The following HARS1 variants were observed in gnomAD, a reference collection of about 807,000 sequenced individuals.
The protein encoded by HARS1 is histidyl-tRNA synthetase 1, also known as histidine--tRNA ligase, cytoplasmic.
HARS1 carries 45 observed loss-of-function variants against 63.6 expected under a neutral mutation model. The ratio of observed to expected loss-of-function variants is 0.71; its 90% CI spans 0.56 to 0.91. The LOEUF (loss-of-function observed/expected upper bound fraction) is 0.91. Ranked by LOEUF, HARS1 falls within the 40% of genes least tolerant of loss-of-function variation. The pLI is 0.00. For missense variants in HARS1, 508 were observed against 643.2 expected (o/e 0.79, Z 2.27); for synonymous variants, 205 against 247.1 (o/e 0.83, Z 1.60).
At chr5:140,678,914 C>T in intron 5 of HARS1, 88 bp downstream of exon 5, 2 of 1,357,516 alleles carry the variant, frequency 1.5e-6, no homozygotes, top group Non-Finnish European at 2.0e-6. Context: ...ATCCAATTTG[C>T]TCAGGACACC....
intron 5 of HARS1, 38 bp from the exon 6 acceptor site, chr5:140,678,053 C>T: frequency 8.8e-7 from 1 of 1,141,386 alleles, no homozygotes; most frequent in Non-Finnish European, 1.3e-6. Flanking sequence ...TTCAGGGATT[C>T]ACCTTTCTGA....
chr5:140,686,177 C>G (rs1360910576), intron 2 of HARS1, among the ~76,000 whole-genome samples: 1 of 152,072 alleles, frequency 6.6e-6, no homozygotes, highest in Non-Finnish European at 1.5e-5. Context: ...TCATGATCCA[C>G]TTGCCTCTGC....
chr5:140,674,030 C>G lies in HARS1; in HGVS notation c.*227G>C. The G allele has an allele frequency of 1.6e-6, 1 of 615,626 alleles. No homozygotes were observed. Among genetic ancestry groups the G allele is most frequent in the Non-Finnish European group, 2.9e-6 (1 of 342,668 alleles). 38.1% of individuals were successfully genotyped at this position (615,626 alleles called of 1,614,324 possible). ...GGTCCTTGTAGCCCAGGAGCACAGA[C>G]TGGACTAAGCCTCCTGGGCCTTGTA... On this transcript the variant is annotated 3_prime_UTR_variant, in exon 13 of 13. Transcript: ENST00000504156.
chr5:140,680,351 T>A (rs533042245), intron 3 of HARS1, among the ~76,000 whole-genome samples: 1 of 151,826 alleles, frequency 6.6e-6, no homozygotes, highest in African/African-American at 2.4e-5. Flanking sequence ...TTCACCATGT[T>A]GGCCAGGATA....
rs1186799034 is a variant in HARS1 at position 140,676,024 on chromosome 5, G to C, written c.1194+630C>G. ...CAAAGGAGGGCTTGAGGCTACAAGA[G>C]GCTTCCTTGGTGTTACTCTAGGTGC... On this transcript the variant is annotated intron_variant, in intron 10 of 12. Transcript: ENST00000504156. The surrounding 1 kb of genome is among the most constrained non-coding windows in gnomAD (Gnocchi z 4.1). 2.0e-5 allele frequency: 3 copies of C among 152,176 alleles called. No homozygotes were observed. The highest frequency in any genetic ancestry group is 4.8e-5 in the African/African-American group (2 of 41,418). 9.4% of individuals were successfully genotyped at this position (152,176 alleles called of 1,614,324 possible). A position where few individuals can be genotyped will look rare whatever the true frequency, so the allele number is the denominator to read the frequency against.
At chr5:140,691,062 C>A (rs1316265403) in intron 1 of HARS1, 118 bp from the exon 2 acceptor site, 6 of 918,752 alleles carry the variant, frequency 6.5e-6, no homozygotes, top group Non-Finnish European at 1.0e-5. Flanking sequence ...TTGTTTCTCT[C>A]GGGACCCACC....
rs754741692 is a variant in HARS1, at chr5:140,683,063, T to G, written c.300+37A>C. Reference sequence around the variant, plus strand: ...TCTTCTTTGTTATTCAAATGCCCACTCATCTACCATGTAGTTTCTTCTTGC... The same window carrying G: ...TCTTCTTTGTTATTCAAATGCCCACGCATCTACCATGTAGTTTCTTCTTGC... On this transcript the variant is annotated intron_variant, in intron 3 of 12. Coordinates refer to ENST00000504156, the MANE Select transcript of HARS1 (RefSeq NM_002109.6). The G allele has an allele frequency of 1.3e-5, 20 of 1,597,206 alleles. 1 individual carries two copies. The East Asian group carries it at 4.5e-4, about 36-fold the overall frequency.
chr5:140,677,037 G>T lies in HARS1; in HGVS notation c.903C>A (p.Asp301Glu), dbSNP rs146835587. 1.2e-6 allele frequency: 2 copies of T among 1,614,158 alleles called. No homozygotes were observed. The highest frequency in any genetic ancestry group is 2.2e-5 in the East Asian group (1 of 44,882). ...TCAGGTACTCAAAGAGCAACTTCAG[G>T]TCTCCCAGGCCCTCCAAGGCCTGCT... ...QNKQALEGLG[D>E]LKLLFEYLTL... The change falls in exon 9 of 13, where the codon GAC becomes GAA. Residue 301 changes from aspartate to glutamate, a missense_variant. Asp to Glu is a conservative substitution (Grantham distance 45, BLOSUM62 2). Around this residue, in one of 2 missense-constraint regions of HARS1, gnomAD observed 403 missense variants for 548.7 expected, o/e 0.73. Coordinates refer to ENST00000504156, the MANE Select transcript of HARS1 (RefSeq NM_002109.6).
chr5:140,675,408 C>CTTT, intron 10 of HARS1: 15 of 220,036 alleles, frequency 6.8e-5, no homozygotes, highest in Middle Eastern at 1.6e-3. Flanking sequence ...CATGTAGTAC[C>CTTT]TTTTTTTTTT....
intron 3 of HARS1, among the ~76,000 whole-genome samples, chr5:140,681,392 C>T (rs1477101850): frequency 1.3e-5 from 2 of 151,938 alleles, no homozygotes; most frequent in African/African-American, 2.4e-5. Context: ...AGGCTGGGCG[C>T]GGTGGCTCAT....
At chr5:140,688,796 C>G (rs770621222) in intron 2 of HARS1, among the ~76,000 whole-genome samples, 3 of 151,982 alleles carry the variant, frequency 2.0e-5, no homozygotes, top group Non-Finnish European at 4.4e-5. Flanking sequence ...GAACAATATG[C>G]TTGATGTGCC....
At chr5:140,674,419 G>A in intron 12 of HARS1, 91 bp from the exon 13 acceptor site, 1 of 961,256 alleles carries the variant, frequency 1.0e-6, no homozygotes, top group Admixed American at 1.8e-5. Context: ...TAGGCATCAG[G>A]CTTGTCTCAG....
chr5:140,682,476 TAAAG>T (rs1014442876), intron 3 of HARS1, among the ~76,000 whole-genome samples: 7 of 152,192 alleles, frequency 4.6e-5, no homozygotes, highest in African/African-American at 1.7e-4. Context: ...TAAACCTGAG[TAAAG>T]AGTTTGGGTT....
intron 10 of HARS1, chr5:140,675,399 A>C: frequency 8.1e-5 from 26 of 319,590 alleles, no homozygotes; most frequent in East Asian, 2.5e-4. Context: ...GCTTATCTCC[A>C]TGTAGTACCT....
In HARS1 at chr5:140,679,632, T is replaced by C. The variant is rs1758599537; in HGVS notation, c.396+156A>G. ...AGAAGATTTCTAAGGATGTGTATGC[T>C]CTGTTTAGCCAAAGTTCCACTCCTG... is the stretch of plus-strand genomic sequence containing the variant. On this transcript the variant is annotated intron_variant, in intron 4 of 12. Transcript: ENST00000504156. The surrounding 1 kb of genome is among the most constrained non-coding windows in gnomAD (Gnocchi z 4.3). 3.6e-6 allele frequency: 2 copies of C among 557,188 alleles called. No homozygotes were observed. The highest frequency in any genetic ancestry group is 5.0e-5 in the South Asian group (2 of 39,998). The allele number at this position is 557,188 out of a possible 1,614,324, so 34.5% of individuals were successfully genotyped here.
intron 3 of HARS1, among the ~76,000 whole-genome samples, chr5:140,681,653 G>A (rs1361083065): frequency 6.6e-6 from 1 of 151,938 alleles, no homozygotes; most frequent in African/African-American, 2.4e-5. Context: ...AGGCAACAGA[G>A]CGAGACTCTG....
rs924028848 is a variant in HARS1, at chr5:140,679,535, T to C, written c.396+253A>G. On this transcript the variant is annotated intron_variant, in intron 4 of 12. Coordinates refer to ENST00000504156, the MANE Select transcript of HARS1 (RefSeq NM_002109.6). The surrounding 1 kb of genome is among the most constrained non-coding windows in gnomAD (Gnocchi z 4.3). Reference sequence around the variant, plus strand: ...CACTGGACAGGGCAGGGGAGAGGTATTCTGGAGCCAGGGGATGACTGTAGA... The same window carrying C: ...CACTGGACAGGGCAGGGGAGAGGTACTCTGGAGCCAGGGGATGACTGTAGA... 6.5e-6 allele frequency: 3 copies of C among 460,612 alleles called. No homozygotes were observed. Among genetic ancestry groups the C allele is most frequent in the South Asian group, 3.8e-5 (1 of 26,250 alleles). 28.5% of individuals were successfully genotyped at this position (460,612 alleles called of 1,614,324 possible).
intron 3 of HARS1, among the ~76,000 whole-genome samples, chr5:140,681,680 AAC>A (rs1205084733): frequency 1.3e-5 from 2 of 152,100 alleles, no homozygotes; most frequent in African/African-American, 4.8e-5. Flanking sequence ...TTAAAAAAAA[AAC>A]AAAGGGAGAT....
At chr5:140,685,079 GCTAA>G (rs929364875) in intron 2 of HARS1, 18 of 151,974 alleles carry the variant, frequency 1.2e-4, no homozygotes, top group African/African-American at 4.1e-4. Flanking sequence ...AAACTTTTCA[GCTAA>G]CTGTGGATAT....
Sources: gnomAD v4.1 joint callset for allele counts (sites outside exome capture counted in the v4.1 genomes callset) on GRCh38, gnomAD v4.1.1 for gene constraint, gnomAD v4.1.1 regional missense constraint, Gnocchi (gnomAD v3.1) non-coding constraint, MANE v1.5 for transcripts, NCBI Gene and HGNC (gene_info 2026-07-23, HGNC 2026-07-21) for gene names.